The following GLI3 variants were observed in gnomAD, a reference collection of about 807,000 sequenced individuals.
GLI3 encodes the protein GLI family zinc finger 3, also known as transcription activator GLI3.
Under a neutral mutation model 100.8 loss-of-function variants are expected in GLI3, and 20 were observed. The ratio of observed to expected loss-of-function variants is 0.20; its 90% CI spans 0.14 to 0.29. GLI3 has a LOEUF of 0.29. Ranked by LOEUF, GLI3 falls within the 10% of genes least tolerant of loss-of-function variation. GLI3 has a pLI of 1.00. For synonymous variants in GLI3, 938 were observed against 860.5 expected, an observed-to-expected ratio of 1.09 and a Z score of -1.58; for missense variants, 2,040 against 2,128.5, an observed-to-expected ratio of 0.96 and a Z score of 0.82.
intron 10 of GLI3, among the ~76,000 whole-genome samples, chr7:42,003,198 A>C (rs533570697): frequency 6.6e-6 from 1 of 152,358 alleles, no homozygotes; most frequent in African/African-American, 2.4e-5. Flanking sequence ...AAAAGAAAGA[A>C]GACAGTCAAA....
At chr7:42,121,870 G>T (rs1421820666) in intron 3 of GLI3, among the ~76,000 whole-genome samples, 1 of 152,108 alleles carries the variant, frequency 6.6e-6, no homozygotes, top group Non-Finnish European at 1.5e-5. Flanking sequence ...AGCAACTCTG[G>T]TTATCTTAAG....
chr7:42,211,577 T>C (rs1044900329), intron 2 of GLI3, among the ~76,000 whole-genome samples: 3 of 152,252 alleles, frequency 2.0e-5, no homozygotes, highest in Admixed American at 6.5e-5. Flanking sequence ...AGTTCCATTA[T>C]TTCAACCATG....
intron 3 of GLI3, among the ~76,000 whole-genome samples, chr7:42,134,678 G>T (rs572329801): frequency 6.6e-6 from 1 of 152,208 alleles, no homozygotes; most frequent in African/African-American, 2.4e-5. Context: ...GACAGCACGT[G>T]CCAACATCAC....
chr7:42,152,570 G>T, intron 2 of GLI3: 2 of 227,130 alleles, frequency 8.8e-6, no homozygotes, highest in South Asian at 1.6e-4. Flanking sequence ...GTGCTTCCGA[G>T]TGAACTCTCC....
Position 42,045,340 on chromosome 7 carries a change from C to A in GLI3, c.826+44G>T, listed in dbSNP as rs1415338756. On this transcript the variant is annotated intron_variant, in intron 6 of 14. Coordinates refer to ENST00000395925, the MANE Select transcript of GLI3 (RefSeq NM_000168.6). ...CTTCTTCTCTGTTTCATAAAGTTGC[C>A]TTTGCCATTTCCCAAGACTCTAGAA... 1.9e-6 allele frequency: 3 copies of A among 1,578,838 alleles called. No homozygotes were observed. The East Asian group carries it at 6.7e-5, about 35-fold the overall frequency.
chr7:42,206,727 TACA>T (rs1379383673), intron 2 of GLI3, among the ~76,000 whole-genome samples: 1 of 152,096 alleles, frequency 6.6e-6, no homozygotes, highest in Non-Finnish European at 1.5e-5. Context: ...AAGAGTATGG[TACA>T]ACAAAAGAAT....
chr7:42,227,947 T>G (rs1788614935), intron 1 of GLI3, among the ~76,000 whole-genome samples: 1 of 152,182 alleles, frequency 6.6e-6, no homozygotes, highest in African/African-American at 2.4e-5. Flanking sequence ...GTTTGAAAGC[T>G]CGCTCTTTCT....
intron 3 of GLI3, among the ~76,000 whole-genome samples, chr7:42,077,072 G>C (rs1280603085): frequency 1.3e-5 from 2 of 152,172 alleles, no homozygotes; most frequent in Non-Finnish European, 2.9e-5. Context: ...AGAAGGCAGA[G>C]CCTGGGACTG....
chr7:42,205,758 C>T (rs139057992), intron 2 of GLI3, among the ~76,000 whole-genome samples: 26 of 152,274 alleles, frequency 1.7e-4, no homozygotes, highest in East Asian at 1.2e-3. Flanking sequence ...TTATTTCCTA[C>T]GTATTTTCTT....
intron 4 of GLI3, among the ~76,000 whole-genome samples, chr7:42,067,612 TG>T (rs1365585200): frequency 6.6e-6 from 1 of 152,172 alleles, no homozygotes; most frequent in Non-Finnish European, 1.5e-5. Context: ...ATATTAACCT[TG>T]TCAGGCCTGA....
chr7:41,999,782 G>T, intron 10 of GLI3, among the ~76,000 whole-genome samples: 1 of 152,160 alleles, frequency 6.6e-6, no homozygotes. Context: ...ATGTCAAAAT[G>T]CCATCAAAGT....
intron 3 of GLI3, among the ~76,000 whole-genome samples, chr7:42,140,553 G>A (rs1786543013): frequency 6.6e-6 from 1 of 152,156 alleles, no homozygotes; most frequent in Admixed American, 6.5e-5. Flanking sequence ...AAGAATTGAG[G>A]AAGTTGGATC....
chr7:42,055,170 T>C (rs1013839588), intron 4 of GLI3, among the ~76,000 whole-genome samples: 1 of 151,044 alleles, frequency 6.6e-6, no homozygotes, highest in Non-Finnish European at 1.5e-5. Flanking sequence ...AGAAAACAAA[T>C]ATCTAAAATG....
In GLI3 at chr7:41,966,725, G is replaced by GT; in HGVS notation, c.2432-85dup. ...CACCAGGCATGAGCAACCCTTTTCT[G>GT]TAAAGGGCCAGCTAGGAACTATTTC... On this transcript the variant is annotated intron_variant, in intron 14 of 14. Transcript: ENST00000395925. This position sits in a 1 kb window ranked among gnomAD's most constrained non-coding sequence, Gnocchi z 5.8. 7.3e-7 allele frequency: 1 copy of GT among 1,376,736 alleles called. No homozygotes were observed. Among genetic ancestry groups the GT allele is most frequent in the Non-Finnish European group, 1.0e-6 (1 of 972,562 alleles). The allele number at this position is 1,376,736 out of a possible 1,614,324, so 85.3% of individuals were successfully genotyped here.
intron 3 of GLI3, among the ~76,000 whole-genome samples, chr7:42,136,547 TG>T (rs1355420683): frequency 6.6e-6 from 1 of 152,160 alleles, no homozygotes; most frequent in Non-Finnish European, 1.5e-5. Context: ...CTCCAAAACA[TG>T]GGGGTACAGA....
At chr7:42,054,651 C>A (rs1784416208) in intron 4 of GLI3, among the ~76,000 whole-genome samples, 1 of 151,916 alleles carries the variant, frequency 6.6e-6, no homozygotes, top group South Asian at 2.1e-4. Flanking sequence ...ATTAATTATT[C>A]AATAAATACC....
intron 3 of GLI3, chr7:42,145,502 C>T (rs1786680531): frequency 2.5e-6 from 1 of 398,048 alleles, no homozygotes; most frequent in Non-Finnish European, 4.4e-6. Flanking sequence ...TTCAGAAGGC[C>T]ACAGTGCACA....
rs79275296 is a variant in GLI3 at position 42,109,247 on chromosome 7, C to T, written c.368-32390G>A. Among the ~76,000 whole-genome samples the T allele has an allele frequency of 3.8e-3, 584 of 152,284 alleles. 2 individuals carry two copies. The highest frequency in any genetic ancestry group is 0.014 in the African/African-American group (562 of 41,550). On this transcript the variant is annotated intron_variant, in intron 3 of 14. Transcript: ENST00000395925. ...ACAAAACTAAGTTAACTGCCAGCATCCATGAACAAATCTGCGGTTCATCAC... is the reference window on the plus strand; with the variant it reads ...ACAAAACTAAGTTAACTGCCAGCATTCATGAACAAATCTGCGGTTCATCAC...
intron 3 of GLI3, among the ~76,000 whole-genome samples, chr7:42,130,467 A>T (rs1025895194): frequency 3.3e-5 from 5 of 152,252 alleles, no homozygotes; most frequent in African/African-American, 1.2e-4. Flanking sequence ...TGTTAAGAAG[A>T]AGTTTCAATA....
Sources: gnomAD v4.1 joint callset for allele counts (sites outside exome capture counted in the v4.1 genomes callset) on GRCh38, gnomAD v4.1.1 for gene constraint, Gnocchi (gnomAD v3.1) non-coding constraint, MANE v1.5 for transcripts, NCBI Gene and HGNC (gene_info 2026-07-23, HGNC 2026-07-21) for gene names.